PTPRD: variants seen among roughly 807,000 people sequenced by gnomAD.
PTPRD encodes the protein protein tyrosine phosphatase receptor type D, also known as receptor-type tyrosine-protein phosphatase delta.
Under a neutral mutation model 214.5 loss-of-function variants are expected in PTPRD, and 34 were observed. That is an observed-to-expected ratio of 0.16 (90% CI 0.12 to 0.21). The LOEUF (loss-of-function observed/expected upper bound fraction) is 0.21, where lower values mean the gene tolerates loss of function less well. Ranked by LOEUF, PTPRD falls within the 10% of genes least tolerant of loss-of-function variation. The probability of loss-of-function intolerance (pLI) is 1.00; values close to 1 mark genes in which losing one functional copy is unlikely to be tolerated. For synonymous variants in PTPRD, 1,128 were observed against 845.7 expected (o/e 1.33, Z -5.79); for missense variants, 2,545 against 2,398.7 (o/e 1.06, Z -1.27).
chr9:8,889,587 A>G (rs1438749144), intron 11 of PTPRD, among the ~76,000 whole-genome samples: 2 of 152,096 alleles, frequency 1.3e-5, no homozygotes, highest in African/African-American at 4.8e-5. Flanking sequence ...ACTGTGCTCA[A>G]TGTGTAGTCT....
At chr9:10,040,441 C>G (rs2097275165) in intron 3 of PTPRD, among the ~76,000 whole-genome samples, 2 of 151,998 alleles carry the variant, frequency 1.3e-5, no homozygotes, top group African/African-American at 4.8e-5. Context: ...TACAGGCAGC[C>G]AAATTACTAT....
intron 3 of PTPRD, among the ~76,000 whole-genome samples, chr9:10,323,338 C>T (rs945341422): frequency 6.9e-6 from 1 of 144,786 alleles, no homozygotes; most frequent in Admixed American, 6.9e-5. Flanking sequence ...GGGTCTCACT[C>T]CATTGGAATG....
At chr9:9,910,492 G>T (rs544043632) in intron 5 of PTPRD, among the ~76,000 whole-genome samples, 1 of 151,958 alleles carries the variant, frequency 6.6e-6, no homozygotes. Context: ...GAAAACATAC[G>T]TACTCCTCTT....
chr9:8,590,093 T>C (rs556905564), intron 14 of PTPRD, among the ~76,000 whole-genome samples: 3 of 152,214 alleles, frequency 2.0e-5, no homozygotes, highest in South Asian at 2.1e-4. Context: ...TACATAGATA[T>C]TATATCTATA....
intron 2 of PTPRD, among the ~76,000 whole-genome samples, chr9:10,566,838 T>C (rs1307733792): frequency 6.6e-6 from 1 of 152,212 alleles, no homozygotes; most frequent in East Asian, 1.9e-4. Flanking sequence ...CTGATTTGAA[T>C]GTGGAATGAG....
chr9:8,900,872 T>G (rs1336724527), intron 11 of PTPRD, among the ~76,000 whole-genome samples: 1 of 152,228 alleles, frequency 6.6e-6, no homozygotes, highest in Non-Finnish European at 1.5e-5. Context: ...TGATATAATA[T>G]TTTTGGCTTT....
At chr9:9,478,290 G>T (rs1223007049) in intron 8 of PTPRD, among the ~76,000 whole-genome samples, 1 of 152,098 alleles carries the variant, frequency 6.6e-6, no homozygotes, top group East Asian at 1.9e-4. Context: ...AGGCAAGTAA[G>T]GAAAGAAGTA....
rs1024122916 is a variant in PTPRD at position 8,340,078 on chromosome 9, A to G, written c.5253+265T>C. On this transcript the variant is annotated intron_variant, in intron 42 of 45. Transcript: ENST00000381196. The stretch of plus-strand genomic sequence containing the variant: ...GCTAAAAGAAGTCCGACATAAGTCA[A>G]ACGGGGACACCTGCTACTCATTTGT... 5.9e-5 allele frequency among the ~76,000 whole-genome samples: 9 copies of G among 152,170 alleles called. No individual in the cohort carries two copies. The South Asian group carries it at 1.9e-3, about 31-fold the overall frequency.
intron 7 of PTPRD, among the ~76,000 whole-genome samples, chr9:9,601,162 A>C (rs1459156790): frequency 1.0e-5 from 1 of 98,368 alleles, no homozygotes; most frequent in Non-Finnish European, 2.0e-5. Flanking sequence ...TGGGGGGGGG[A>C]GAGTGGGGAG....
At chr9:10,568,121 C>A (rs958147674) in intron 2 of PTPRD, among the ~76,000 whole-genome samples, 1 of 146,226 alleles carries the variant, frequency 6.8e-6, no homozygotes, top group Middle Eastern at 3.5e-3. Flanking sequence ...CCCCCCTCCC[C>A]CCAGCCCACA....
chr9:8,759,855 T>C (rs1030379599), intron 11 of PTPRD, among the ~76,000 whole-genome samples: 1 of 152,162 alleles, frequency 6.6e-6, no homozygotes, highest in Non-Finnish European at 1.5e-5. Context: ...CTTTCCCTTG[T>C]GCTGAAACAT....
chr9:10,585,350 C>T (rs2073550017), intron 2 of PTPRD, among the ~76,000 whole-genome samples: 1 of 151,990 alleles, frequency 6.6e-6, no homozygotes, highest in Admixed American at 6.6e-5. Flanking sequence ...TTATACTTCA[C>T]CTTTTACATG....
intron 5 of PTPRD, among the ~76,000 whole-genome samples, chr9:9,894,157 C>G (rs991915150): frequency 6.6e-6 from 1 of 152,026 alleles, no homozygotes; most frequent in African/African-American, 2.4e-5. Flanking sequence ...CTCTATATCT[C>G]CAAGATAATA....
intron 14 of PTPRD, among the ~76,000 whole-genome samples, chr9:8,551,286 G>A (rs758383363): frequency 3.3e-5 from 5 of 152,036 alleles, no homozygotes; most frequent in African/African-American, 4.8e-5. Context: ...TTGAGGAAAT[G>A]TTCTGCTTTA....
chr9:9,731,412 C>G (rs1385689986), intron 7 of PTPRD, among the ~76,000 whole-genome samples: 1 of 151,846 alleles, frequency 6.6e-6, no homozygotes, highest in African/African-American at 2.4e-5. Context: ...GCATTGTTTT[C>G]TTTCAAAATG....
chr9:8,414,183 T>C (rs1340734679), intron 35 of PTPRD, among the ~76,000 whole-genome samples: 2 of 151,880 alleles, frequency 1.3e-5, no homozygotes, highest in Non-Finnish European at 2.9e-5. Context: ...TATATTGGAA[T>C]AGACCAGAGA....
At chr9:9,479,382 T>C (rs192586098) in intron 8 of PTPRD, among the ~76,000 whole-genome samples, 30 of 146,126 alleles carry the variant, frequency 2.1e-4, no homozygotes, top group African/African-American at 6.9e-4. Flanking sequence ...CATACACTCA[T>C]TGCTGTTTTT....
chr9:9,513,114 A>G (rs898089458), intron 8 of PTPRD, among the ~76,000 whole-genome samples: 1 of 151,920 alleles, frequency 6.6e-6, no homozygotes, highest in Non-Finnish European at 1.5e-5. Flanking sequence ...CTAAAATAAC[A>G]AGATAGTATA....
chr9:8,583,965 A>C (rs2093414730), intron 14 of PTPRD, among the ~76,000 whole-genome samples: 1 of 152,150 alleles, frequency 6.6e-6, no homozygotes, highest in African/African-American at 2.4e-5. Context: ...CAGCCTGGGC[A>C]ACATCACAAA....
Sources: allele counts gnomAD v4.1 joint callset (sites outside exome capture counted in the v4.1 genomes callset), GRCh38; gene constraint gnomAD v4.1.1; transcripts MANE v1.5; gene names NCBI Gene and HGNC (gene_info 2026-07-23, HGNC 2026-07-21).